ATP9B: variants seen among roughly 807,000 people sequenced by gnomAD.
ATP9B encodes the protein probable phospholipid-transporting ATPase IIB.
ATP9B carries 110 observed loss-of-function variants against 146.1 expected under a neutral mutation model. The observed-to-expected ratio is 0.75, with a 90% CI of 0.65 to 0.88. ATP9B has a LOEUF of 0.88. ATP9B is among the 40% of genes least tolerant of loss of function. ATP9B has a pLI of 0.00. For missense variants in ATP9B, 1,499 were observed against 1,496.4 expected (o/e 1.00, Z -0.03); for synonymous variants, 604 against 569.7 (o/e 1.06, Z -0.86).
chr18:79,277,040 G>T lies in ATP9B; in HGVS notation c.1269-14G>T. Reference sequence around the variant, plus strand: ...TGGATCACACTAACCACTGCAATGGGTTTTATTTGGCAGTTTGCGTGTGAA... The same window carrying T: ...TGGATCACACTAACCACTGCAATGGTTTTTATTTGGCAGTTTGCGTGTGAA... On this transcript the variant is annotated splice_polypyrimidine_tract_variant and intron_variant, in intron 12 of 29. Coordinates refer to ENST00000426216, the MANE Select transcript of ATP9B (RefSeq NM_198531.5). 6.2e-7 allele frequency: 1 copy of T among 1,614,062 alleles called. No homozygotes were observed. The highest frequency in any genetic ancestry group is 8.5e-7 in the Non-Finnish European group (1 of 1,179,968).
chr18:79,369,250 A>G (rs77953492), intron 26 of ATP9B, among the ~76,000 whole-genome samples: 3 of 151,230 alleles, frequency 2.0e-5, no homozygotes, highest in Non-Finnish European at 4.4e-5. Flanking sequence ...TACAAAAAAA[A>G]TGAGCCGGGC....
At chr18:79,349,391 A>G (rs2096909776) in intron 25 of ATP9B, among the ~76,000 whole-genome samples, 1 of 152,156 alleles carries the variant, frequency 6.6e-6, no homozygotes, top group African/African-American at 2.4e-5. Flanking sequence ...AAAGTGAGAG[A>G]CCCAGAGAGC....
At chr18:79,142,340 A>G (rs1183757803) in intron 5 of ATP9B, among the ~76,000 whole-genome samples, 1 of 152,232 alleles carries the variant, frequency 6.6e-6, no homozygotes, top group African/African-American at 2.4e-5. Flanking sequence ...TATGTTTTCT[A>G]TTCAAAATGT....
At chr18:79,329,092 C>T (rs375142668) in intron 15 of ATP9B, 49 bp from the exon 16 acceptor site, 30 of 1,461,430 alleles carry the variant, frequency 2.1e-5, no homozygotes, top group Non-Finnish European at 2.3e-5. Context: ...CGCCTGCGTG[C>T]GGCTTTCCTG....
intron 1 of ATP9B, among the ~76,000 whole-genome samples, chr18:79,088,876 T>G (rs878877200): frequency 6.6e-6 from 1 of 152,204 alleles, no homozygotes; most frequent in Non-Finnish European, 1.5e-5. Flanking sequence ...TGGTTAAAGT[T>G]TATTTACGTT....
chr18:79,082,930 G>T (rs951977034), intron 1 of ATP9B, among the ~76,000 whole-genome samples: 1 of 152,336 alleles, frequency 6.6e-6, no homozygotes, highest in East Asian at 1.9e-4. Flanking sequence ...GAGCTCAAGC[G>T]CTGTGCTGGG....
chr18:79,326,538 C>T (rs1038580267), intron 15 of ATP9B, among the ~76,000 whole-genome samples: 3 of 151,982 alleles, frequency 2.0e-5, no homozygotes, highest in Non-Finnish European at 4.4e-5. Context: ...CATCTCTGCA[C>T]ACTCTCTCCC....
intron 12 of ATP9B, among the ~76,000 whole-genome samples, chr18:79,269,994 G>A (rs1332496584): frequency 1.3e-5 from 2 of 152,162 alleles, no homozygotes; most frequent in South Asian, 2.1e-4. Context: ...GCCTTTAGCC[G>A]GCTCCTGTTT....
At chr18:79,235,909 T>C (rs2095837465) in intron 11 of ATP9B, among the ~76,000 whole-genome samples, 1 of 152,182 alleles carries the variant, frequency 6.6e-6, no homozygotes, top group Non-Finnish European at 1.5e-5. Flanking sequence ...ATCTTTGATC[T>C]CTGGGTTCTT....
At chr18:79,323,362 A>G (rs1035095236) in intron 15 of ATP9B, among the ~76,000 whole-genome samples, 1 of 152,204 alleles carries the variant, frequency 6.6e-6, no homozygotes, top group Non-Finnish European at 1.5e-5. Flanking sequence ...CTATCATGCT[A>G]CTGAGCGCTG....
chr18:79,349,534 C>T (rs942499432), intron 25 of ATP9B, among the ~76,000 whole-genome samples: 3 of 152,234 alleles, frequency 2.0e-5, no homozygotes, highest in African/African-American at 7.2e-5. Flanking sequence ...TTTCTCCCTG[C>T]ATAGCTGTTT....
intron 2 of ATP9B, among the ~76,000 whole-genome samples, chr18:79,103,271 T>G (rs1002692949): frequency 6.8e-6 from 1 of 146,082 alleles, no homozygotes; most frequent in Non-Finnish European, 1.5e-5. Context: ...TTTGTAGTTT[T>G]TTTTTTTTTT....
chr18:79,078,677 T>A (rs1275719971), intron 1 of ATP9B, among the ~76,000 whole-genome samples: 1 of 151,664 alleles, frequency 6.6e-6, no homozygotes, highest in Non-Finnish European at 1.5e-5. Flanking sequence ...TTTTTTTTTT[T>A]ATGCTTTAAG....
intron 1 of ATP9B, among the ~76,000 whole-genome samples, chr18:79,071,107 A>G (rs1026625383): frequency 2.4e-4 from 26 of 107,236 alleles, no homozygotes; most frequent in African/African-American, 1.1e-3. Context: ...TGGTATCCCT[A>G]TAGTGTGTTT....
At chr18:79,192,017 C>A (rs897263477) in intron 8 of ATP9B, among the ~76,000 whole-genome samples, 17 of 152,082 alleles carry the variant, frequency 1.1e-4, no homozygotes, top group African/African-American at 4.1e-4. Flanking sequence ...CTCTACCTTT[C>A]TGGCATTAGG....
chr18:79,317,278 CTT>C (rs2096686064), intron 15 of ATP9B, among the ~76,000 whole-genome samples: 2 of 151,882 alleles, frequency 1.3e-5, no homozygotes, highest in African/African-American at 4.8e-5. Flanking sequence ...CAGAGTAAAA[CTT>C]ATTTTTTTCA....
rs536585515 is a variant in ATP9B, at chr18:79,359,534, A to G, written c.3012+72A>G. The G allele has an allele frequency of 1.4e-5, 16 of 1,169,018 alleles. No individual in the cohort carries two copies. The South Asian group carries it at 1.5e-4, about 11-fold the overall frequency. The allele number at this position is 1,169,018 out of a possible 1,614,324, so 72.4% of individuals were successfully genotyped here. The stretch of plus-strand genomic sequence containing the variant: ...CTAGCATTTTACACGAGTGAGAAAC[A>G]GGCCAGTCAGGAGGCATTTCCAGGC... On this transcript the variant is annotated intron_variant, in intron 26 of 29. Coordinates refer to ENST00000426216, the MANE Select transcript of ATP9B (RefSeq NM_198531.5).
intron 2 of ATP9B, among the ~76,000 whole-genome samples, chr18:79,097,845 A>G (rs1014949258): frequency 1.3e-5 from 2 of 149,196 alleles, no homozygotes; most frequent in Non-Finnish European, 3.0e-5. Flanking sequence ...ATACGTGTGC[A>G]TGTGTCTTTA....
At position 79,372,849 on chromosome 18, in the gene ATP9B, T is replaced by C; in HGVS notation, c.3037T>C (p.Phe1013Leu). 1 of 1,611,970 alleles carries C rather than the reference T, an allele frequency of 6.2e-7. No homozygotes were observed. The highest frequency in any genetic ancestry group is 8.5e-7 in the Non-Finnish European group (1 of 1,178,010). Reference protein sequence around the residue: ...TKGRSLSFKTFLIWVLISIYQ... With the variant: ...TKGRSLSFKTLLIWVLISIYQ... ...GGGAAGATCCTTGTCCTTCAAAACC[T>C]TCCTCATCTGGGTTTTAATAAGTAT... Residue 1013 changes from phenylalanine (F) to leucine (L), a missense_variant, in exon 27 of 30, where the codon TTC becomes CTC. Coordinates refer to ENST00000426216, the MANE Select transcript of ATP9B (RefSeq NM_198531.5).
Sources: gnomAD v4.1 joint callset for allele counts (sites outside exome capture counted in the v4.1 genomes callset) on GRCh38, gnomAD v4.1.1 for gene constraint, MANE v1.5 for transcripts, NCBI Gene and HGNC (gene_info 2026-07-23, HGNC 2026-07-21) for gene names.